Variants in DIAPH3 observed in about 807,000 individuals in gnomAD.
The protein encoded by DIAPH3 is diaphanous related formin 3.
A neutral mutation model predicts 144.3 loss-of-function variants in DIAPH3; 117 were observed. The ratio of observed to expected loss-of-function variants is 0.81; its 90% confidence interval spans 0.70 to 0.95. DIAPH3 has a LOEUF of 0.95. Ranked by LOEUF, DIAPH3 falls within the 40% of genes least tolerant of loss-of-function variation. The pLI is 0.00. For synonymous variants in DIAPH3, 519 were observed against 488.9 expected, an observed-to-expected ratio of 1.06 and a Z score of -0.81; for missense variants, 1,421 against 1,412.7, an observed-to-expected ratio of 1.01 and a Z score of -0.09.
Position 59,675,423 on chromosome 13 carries a change from C to T in DIAPH3, c.3320-8577G>A, listed in dbSNP as rs182519719. Among the ~76,000 whole-genome samples, 1,318 of 148,870 alleles carry T rather than the reference C, an allele frequency of 8.9e-3. 19 individuals are homozygous for T. Among genetic ancestry groups the T allele is most frequent in the African/African-American group, 0.031 (1,251 of 40,310 alleles). On this transcript the variant is annotated intron_variant, in intron 27 of 27. Coordinates refer to ENST00000400324, the MANE Select transcript of DIAPH3 (RefSeq NM_001042517.2). ...TTTTTGAGACGGAGTCTCGCTCTGT[C>T]GCCCAGGCTGGAGTGCAGTGGCACG...
chr13:59,969,969 C>A lies in DIAPH3; in HGVS notation c.2049G>T (p.Glu683Asp), dbSNP rs372054806. The A allele has an allele frequency of 2.5e-6, 4 of 1,606,148 alleles. No individual in the cohort carries two copies. Among genetic ancestry groups the A allele is most frequent in the East Asian group, 4.5e-5 (2 of 44,442 alleles). The change falls in exon 17 of 28, where the codon GAG becomes GAT. Residue 683 changes from glutamate to aspartate, a missense_variant. By Grantham distance (45) the Glu-to-Asp change is conservative (BLOSUM62 2). Transcript: ENST00000400324. ...YENVDLLCKL[E>D]NTFCCQQKER... Reference sequence around the variant, plus strand: ...CTTTTTGTTGGCAACAAAATGTATTCTCAAGTTTACAAAGCAAATCCACGT... The same window carrying A: ...CTTTTTGTTGGCAACAAAATGTATTATCAAGTTTACAAAGCAAATCCACGT...
intron 1 of DIAPH3, among the ~76,000 whole-genome samples, chr13:60,137,742 C>CTTTTT (rs35703399): frequency 2.4e-5 from 3 of 125,728 alleles, no homozygotes; most frequent in Non-Finnish European, 5.0e-5. Context: ...TTAAAATTGA[C>CTTTTT]TTTTTTTTTT....
At chr13:59,713,981 T>G (rs1293106435) in intron 27 of DIAPH3, among the ~76,000 whole-genome samples, 1 of 152,188 alleles carries the variant, frequency 6.6e-6, no homozygotes, top group Non-Finnish European at 1.5e-5. Flanking sequence ...TTTGGGAGGC[T>G]GAGGCAGGAG....
chr13:59,899,793 A>C (rs1254520215), intron 20 of DIAPH3, among the ~76,000 whole-genome samples: 2 of 152,220 alleles, frequency 1.3e-5, no homozygotes, highest in African/African-American at 4.8e-5. Flanking sequence ...GTGATATAAA[A>C]CACAAGCAAA....
At chr13:60,125,553 A>G (rs928242173) in intron 2 of DIAPH3, among the ~76,000 whole-genome samples, 2 of 151,732 alleles carry the variant, frequency 1.3e-5, no homozygotes, top group South Asian at 4.2e-4. Flanking sequence ...CCCCCTAATT[A>G]TGTTTTTATA....
intron 27 of DIAPH3, among the ~76,000 whole-genome samples, chr13:59,730,116 G>C (rs2035824132): frequency 6.6e-6 from 1 of 151,986 alleles, no homozygotes; most frequent in Non-Finnish European, 1.5e-5. Context: ...AATTTTAAAT[G>C]TGACATTTCA....
At chr13:60,137,994 G>A (rs954208241) in intron 1 of DIAPH3, among the ~76,000 whole-genome samples, 13 of 152,094 alleles carry the variant, frequency 8.5e-5, no homozygotes, top group Non-Finnish European at 1.8e-4. Context: ...AAAGTGCTGG[G>A]ATTAAAGGAG....
chr13:59,916,874 TATA>T (rs2047247531), intron 18 of DIAPH3, among the ~76,000 whole-genome samples: 1 of 152,144 alleles, frequency 6.6e-6, no homozygotes, highest in Admixed American at 6.6e-5. Flanking sequence ...TACTAGATAG[TATA>T]ATATGTTATT....
At chr13:59,743,490 G>A (rs1256577329) in intron 27 of DIAPH3, among the ~76,000 whole-genome samples, 1 of 152,082 alleles carries the variant, frequency 6.6e-6, no homozygotes, top group African/African-American at 2.4e-5. Flanking sequence ...GGGGGTGGAT[G>A]ACAACACCCA....
intron 21 of DIAPH3, among the ~76,000 whole-genome samples, chr13:59,877,653 C>T (rs150521602): frequency 1.3e-5 from 2 of 152,186 alleles, no homozygotes; most frequent in African/African-American, 2.4e-5. Context: ...TATCTTGCTA[C>T]GAAACATCTG....
intron 3 of DIAPH3, among the ~76,000 whole-genome samples, chr13:60,102,193 GA>G (rs566386768): frequency 6.6e-6 from 1 of 151,998 alleles, no homozygotes; most frequent in African/African-American, 2.4e-5. Context: ...CCCACCTCAA[GA>G]AAGGGCATTA....
chr13:60,132,904 G>T, intron 2 of DIAPH3, 53 bp downstream of exon 2: 1 of 1,450,802 alleles, frequency 6.9e-7, no homozygotes, highest in Non-Finnish European at 9.7e-7. Flanking sequence ...CACCATCAAC[G>T]TTATATGGTT....
chr13:59,963,978 T>C (rs770113164), intron 17 of DIAPH3, among the ~76,000 whole-genome samples: 1 of 152,128 alleles, frequency 6.6e-6, no homozygotes, highest in Non-Finnish European at 1.5e-5. Flanking sequence ...TGACAGAACA[T>C]GATGCAGACA....
chr13:59,968,618 C>G (rs1470856211), intron 17 of DIAPH3, among the ~76,000 whole-genome samples: 2 of 152,126 alleles, frequency 1.3e-5, no homozygotes, highest in Non-Finnish European at 2.9e-5. Flanking sequence ...ATAAATGGTA[C>G]TCAAAAATAT....
chr13:59,772,321 A>G (rs2058328853), intron 27 of DIAPH3, among the ~76,000 whole-genome samples: 1 of 152,082 alleles, frequency 6.6e-6, no homozygotes. Flanking sequence ...ATTTCTTTCT[A>G]CTTGGTTAGA....
At chr13:59,819,919 C>G (rs1159144215) in intron 24 of DIAPH3, among the ~76,000 whole-genome samples, 1 of 151,726 alleles carries the variant, frequency 6.6e-6, no homozygotes, top group Non-Finnish European at 1.5e-5. Context: ...GTAACATGGA[C>G]AAAATAGTGC....
intron 24 of DIAPH3, among the ~76,000 whole-genome samples, chr13:59,824,480 A>C (rs1417335250): frequency 6.6e-6 from 1 of 152,202 alleles, no homozygotes; most frequent in Non-Finnish European, 1.5e-5. Context: ...CAAACAGCAA[A>C]ACATCACTAT....
chr13:59,684,713 C>T (rs4884346), intron 27 of DIAPH3, among the ~76,000 whole-genome samples: 144,663 of 152,280 alleles, frequency 0.95, 69,135 homozygotes, highest in East Asian at 1. Context: ...TAGATAACTC[C>T]GGGTTAAAAC....
chr13:60,095,041 T>TTA (rs2058064533), intron 3 of DIAPH3, among the ~76,000 whole-genome samples: 1 of 151,784 alleles, frequency 6.6e-6, no homozygotes. Flanking sequence ...GGCATGTTAG[T>TTA]TGTCACAATA....
Sources: allele counts gnomAD v4.1 joint callset (sites outside exome capture counted in the v4.1 genomes callset), GRCh38; gene constraint gnomAD v4.1.1; transcripts MANE v1.5; gene names NCBI Gene and HGNC (gene_info 2026-07-23, HGNC 2026-07-21).